The following ARMH3 variants were observed in gnomAD, a reference collection of about 807,000 sequenced individuals.
ARMH3 encodes armadillo like helical domain containing 3.
A neutral mutation model predicts 99.1 loss-of-function variants in ARMH3; 60 were observed. The observed-to-expected ratio is 0.61, with a 90% CI of 0.49 to 0.75. ARMH3 has a LOEUF of 0.75. Ranked by LOEUF, ARMH3 falls within the 30% of genes least tolerant of loss-of-function variation. The probability of loss-of-function intolerance (pLI) is 0.00; values close to 1 mark genes in which losing one functional copy is unlikely to be tolerated. For missense variants in ARMH3, 679 were observed against 843.1 expected (o/e 0.81, Z 2.41); for synonymous variants, 285 against 292.8 (o/e 0.97, Z 0.27).
chr10:101,868,394 G>A (rs949397693), intron 24 of ARMH3, among the ~76,000 whole-genome samples: 4 of 152,190 alleles, frequency 2.6e-5, no homozygotes, highest in Non-Finnish European at 4.4e-5. Context: ...AAAAAGACTG[G>A]TACCATATAG....
rs76241851 is a variant in ARMH3, at chr10:101,871,904, G to A, written c.1860+17508C>T. Among the ~76,000 whole-genome samples the A allele has an allele frequency of 8.0e-4, 121 of 152,132 alleles. No homozygotes were observed. The East Asian group carries it at 0.016, about 20-fold the overall frequency. On this transcript the variant is annotated intron_variant, in intron 24 of 25. Transcript: ENST00000370033. ...TAATCCCAGCTGCTCAGGAGGCTGA[G>A]GCATGAGAATTGCTTGAACCCGGAG...
chr10:101,923,609 C>T (rs1345552536), intron 23 of ARMH3, among the ~76,000 whole-genome samples: 1 of 152,202 alleles, frequency 6.6e-6, no homozygotes, highest in Non-Finnish European at 1.5e-5. Context: ...TCTTCTTTCT[C>T]AGTAAAATTC....
At chr10:101,938,916 C>G (rs980456006) in intron 23 of ARMH3, among the ~76,000 whole-genome samples, 2 of 152,216 alleles carry the variant, frequency 1.3e-5, no homozygotes, top group Non-Finnish European at 1.5e-5. Flanking sequence ...AAATTTCACA[C>G]TTCTCCTTTT....
chr10:101,984,871 C>A (rs900656593), intron 19 of ARMH3, among the ~76,000 whole-genome samples: 1 of 151,846 alleles, frequency 6.6e-6, no homozygotes, highest in African/African-American at 2.4e-5. Context: ...GAATTCAAGA[C>A]CAGCCTGGCC....
chr10:101,915,822 G>A (rs1234536058), intron 23 of ARMH3, among the ~76,000 whole-genome samples: 1 of 33,942 alleles, frequency 2.9e-5, no homozygotes, highest in Non-Finnish European at 5.8e-5. Flanking sequence ...TTTTTTTTTT[G>A]AGACGGAGTC....
At chr10:101,995,443 G>A (rs1180483766) in intron 15 of ARMH3, 88 bp from the exon 16 acceptor site, 4 of 1,108,256 alleles carry the variant, frequency 3.6e-6, no homozygotes, top group Non-Finnish European at 5.3e-6. Flanking sequence ...TATCATAAAA[G>A]GAAACATTCA....
At chr10:101,950,787 G>C (rs1844749127) in intron 22 of ARMH3, among the ~76,000 whole-genome samples, 2 of 152,186 alleles carry the variant, frequency 1.3e-5, no homozygotes, top group Admixed American at 6.5e-5. Context: ...TGATTGCCTA[G>C]AGCTCAGGAG....
Position 101,849,762 on chromosome 10 carries a change from G to C in ARMH3, c.1977+14C>G. On this transcript the variant is annotated intron_variant, in intron 25 of 25. Coordinates refer to ENST00000370033, the MANE Select transcript of ARMH3 (RefSeq NM_024541.3). ...GGGCCCCTAAGACACAGGCAGAGGC[G>C]GTGGGGCACTCACCAGCTCTTTGAA... 6.2e-7 allele frequency: 1 copy of C among 1,609,034 alleles called. No homozygotes were observed. The highest frequency in any genetic ancestry group is 1.1e-5 in the South Asian group (1 of 90,950).
rs544846254 is a variant in ARMH3, at chr10:102,018,204, C to G, written c.670-4180G>C. Among the ~76,000 whole-genome samples, 7 of 152,320 alleles carry G rather than the reference C, an allele frequency of 4.6e-5. No homozygotes were observed. In the South Asian group the frequency reaches 1.0e-3, roughly 23 times the overall value. On this transcript the variant is annotated intron_variant, in intron 8 of 25. Coordinates refer to ENST00000370033, the MANE Select transcript of ARMH3 (RefSeq NM_024541.3). ...CCCCCGGTCTTCCTTGAGTGGTCCC[C>G]TTCCTTTTCTGTGTATTCTGCCTTT...
chr10:101,918,908 T>C (rs902829844), intron 23 of ARMH3, among the ~76,000 whole-genome samples: 2 of 152,214 alleles, frequency 1.3e-5, no homozygotes, highest in Non-Finnish European at 2.9e-5. Context: ...GTTATAGTCC[T>C]GCAGCACTCA....
At chr10:102,005,467 C>A (rs973984172) in intron 14 of ARMH3, among the ~76,000 whole-genome samples, 1 of 149,854 alleles carries the variant, frequency 6.7e-6, no homozygotes, top group African/African-American at 2.5e-5. Flanking sequence ...ATATAACTAA[C>A]AATGGCACCT....
chr10:101,916,690 T>C (rs1367671251), intron 23 of ARMH3, among the ~76,000 whole-genome samples: 1 of 152,164 alleles, frequency 6.6e-6, no homozygotes, highest in African/African-American at 2.4e-5. Context: ...TATTTCTGAG[T>C]GTGTTGACAG....
rs1235878468 is a variant in ARMH3 at position 102,011,748 on chromosome 10, C to A, written c.806G>T (p.Gly269Val). 6 of 1,608,216 alleles carry A rather than the reference C, an allele frequency of 3.7e-6. No individual in the cohort carries two copies. The highest frequency in any genetic ancestry group is 1.7e-5 in the Admixed American group (1 of 59,282). ...CATATTTGTTAAAGCAGAGAAAAAA[C>A]CACTTTGGTGTTCTTCTTCCTTGTC... ...YKDKEEEHQS[G>V]FFSALTNMVG... Residue 269 changes from glycine to valine, a missense_variant, in exon 11 of 26, where the codon GGT becomes GTT. Gly to Val is a moderately radical substitution (Grantham distance 109, BLOSUM62 -3). Around this residue, in one of 3 missense-constraint regions of ARMH3, gnomAD observed 280 missense variants for 354.6 expected, o/e 0.79. Coordinates refer to ENST00000370033, the MANE Select transcript of ARMH3 (RefSeq NM_024541.3).
At chr10:101,972,697 T>C (rs957283471) in intron 20 of ARMH3, among the ~76,000 whole-genome samples, 24 of 152,230 alleles carry the variant, frequency 1.6e-4, no homozygotes, top group Non-Finnish European at 3.5e-4. Flanking sequence ...TCTCACTGTA[T>C]GTTCCACATA....
At chr10:101,875,048 T>C (rs2135383032) in intron 24 of ARMH3, among the ~76,000 whole-genome samples, 1 of 152,326 alleles carries the variant, frequency 6.6e-6, no homozygotes, top group South Asian at 2.1e-4. Context: ...TACATACTTC[T>C]GTACTTCTGC....
At chr10:102,046,315 AAG>A (rs1051319245) in intron 1 of ARMH3, among the ~76,000 whole-genome samples, 4 of 151,574 alleles carry the variant, frequency 2.6e-5, no homozygotes, top group African/African-American at 9.7e-5. Flanking sequence ...AAAGAGAGAA[AAG>A]AGAGAGAAAG....
At chr10:102,029,415 T>C in intron 5 of ARMH3, 1 of 1,517,704 alleles carries the variant, frequency 6.6e-7, no homozygotes, top group Non-Finnish European at 8.9e-7. Context: ...TATTCTGTCT[T>C]TATCCCGCAG....
chr10:101,963,878 CTT>C (rs1177050739), intron 20 of ARMH3, among the ~76,000 whole-genome samples: 17 of 135,636 alleles, frequency 1.3e-4, no homozygotes, highest in Admixed American at 2.9e-4. Flanking sequence ...CTTTTTCTTT[CTT>C]TTTTTTTTTT....
At chr10:102,054,940 G>A (rs1009193070) in intron 1 of ARMH3, among the ~76,000 whole-genome samples, 1 of 151,098 alleles carries the variant, frequency 6.6e-6, no homozygotes, top group Admixed American at 6.6e-5. Flanking sequence ...AGGTTGCAGT[G>A]AGCCGAGATC....
Sources: gnomAD v4.1 joint callset for allele counts (sites outside exome capture counted in the v4.1 genomes callset) on GRCh38, gnomAD v4.1.1 for gene constraint, gnomAD v4.1.1 regional missense constraint, MANE v1.5 for transcripts, NCBI Gene and HGNC (gene_info 2026-07-23, HGNC 2026-07-21) for gene names.